Variants in UTRN observed in about 807,000 individuals in gnomAD.
UTRN encodes utrophin.
Under a neutral mutation model 463.9 loss-of-function variants are expected in UTRN, and 283 were observed. The ratio of observed to expected loss-of-function variants is 0.61; its 90% CI spans 0.55 to 0.67. The LOEUF is 0.67. Ranked by LOEUF, UTRN falls within the 30% of genes least tolerant of loss-of-function variation. The pLI is 0.00. For synonymous variants in UTRN, 1,442 were observed against 1,431.5 expected, an observed-to-expected ratio of 1.01 and a Z score of -0.17; for missense variants, 3,922 against 4,084.3, an observed-to-expected ratio of 0.96 and a Z score of 1.08.
intron 65 of UTRN, among the ~76,000 whole-genome samples, chr6:144,816,658 G>A (rs77796949): frequency 8.7e-5 from 3 of 34,586 alleles, no homozygotes; most frequent in Non-Finnish European, 1.2e-4. Context: ...TATACCAAAC[G>A]TGTTATATAC....
chr6:144,430,377 T>C (rs1377913613), intron 9 of UTRN, among the ~76,000 whole-genome samples: 1 of 152,226 alleles, frequency 6.6e-6, no homozygotes, highest in East Asian at 1.9e-4. Flanking sequence ...CATTCTGTTT[T>C]AGTCTAGCCA....
rs1775867460 is a variant in UTRN at position 144,781,923 on chromosome 6, G to T, written c.8634G>T (p.Leu2878Phe). 6.2e-7 allele frequency: 1 copy of T among 1,612,698 alleles called. No homozygotes were observed. Among genetic ancestry groups the T allele is most frequent in the African/African-American group, 1.3e-5 (1 of 74,882 alleles). Residue 2878 changes from leucine (L) to phenylalanine (F), a missense_variant and splice_region_variant, in exon 61 of 75, where the codon TTG (leucine) becomes TTT (phenylalanine). By Grantham distance (22) the Leu-to-Phe change is conservative. Transcript: ENST00000367545. ...KIRRLQKALC[L>F]DLLELSTTNE... ...CATTCCTTCTTCTCTCCTGGTTAGTGGATCTCTTAGAGTTGAGTACAACAA... is the reference window on the plus strand; with the variant it reads ...CATTCCTTCTTCTCTCCTGGTTAGTTGATCTCTTAGAGTTGAGTACAACAA...
chr6:144,476,126 A>G (rs1791169830), intron 25 of UTRN, among the ~76,000 whole-genome samples: 1 of 149,360 alleles, frequency 6.7e-6, no homozygotes, highest in South Asian at 2.2e-4. Flanking sequence ...CTGAGGCAAA[A>G]GGATGGCTTG....
At chr6:144,732,294 A>ATG (rs1444448392) in intron 54 of UTRN, among the ~76,000 whole-genome samples, 1 of 132,706 alleles carries the variant, frequency 7.5e-6, no homozygotes, top group Admixed American at 7.6e-5. Context: ...ATATATATAT[A>ATG]TACACATATA....
At chr6:144,727,802 T>C in intron 53 of UTRN, among the ~76,000 whole-genome samples, 1 of 151,300 alleles carries the variant, frequency 6.6e-6, no homozygotes, top group East Asian at 2.0e-4. Flanking sequence ...CCCAACAAAC[T>C]ACTCCTTGCT....
intron 64 of UTRN, among the ~76,000 whole-genome samples, chr6:144,798,942 A>G (rs192131170): frequency 2.0e-5 from 3 of 152,280 alleles, no homozygotes; most frequent in Admixed American, 6.5e-5. Context: ...GGGTTCCACT[A>G]TGTTGGCCAG....
intron 51 of UTRN, among the ~76,000 whole-genome samples, chr6:144,676,210 T>C (rs1319579410): frequency 6.6e-6 from 1 of 152,168 alleles, no homozygotes; most frequent in Non-Finnish European, 1.5e-5. Flanking sequence ...TTAGGGAGAC[T>C]GACTTTCTTT....
chr6:144,847,234 C>T (rs1782098840), intron 74 of UTRN, among the ~76,000 whole-genome samples: 1 of 152,084 alleles, frequency 6.6e-6, no homozygotes, highest in South Asian at 2.1e-4. Flanking sequence ...CAATTTTTTA[C>T]TTAAAAATTT....
intron 42 of UTRN, among the ~76,000 whole-genome samples, chr6:144,532,742 C>G (rs1797177797): frequency 6.6e-6 from 1 of 152,132 alleles, no homozygotes; most frequent in African/African-American, 2.4e-5. Context: ...CAAGCACTTG[C>G]TTGAAAGAAG....
chr6:144,459,398 A>G, intron 21 of UTRN, 44 bp downstream of exon 21: 1 of 1,533,510 alleles, frequency 6.5e-7, no homozygotes, highest in South Asian at 1.3e-5. Flanking sequence ...GTTTGCCTTA[A>G]TGTAAACATG....
chr6:144,732,686 A>ATGTT (rs1223691516), intron 54 of UTRN, among the ~76,000 whole-genome samples: 1 of 150,602 alleles, frequency 6.6e-6, no homozygotes, highest in Admixed American at 6.7e-5. Flanking sequence ...ATGTTATGTT[A>ATGTT]TGTTATGTTA....
intron 52 of UTRN, among the ~76,000 whole-genome samples, chr6:144,686,683 A>G (rs1782795654): frequency 6.6e-6 from 1 of 151,888 alleles, no homozygotes. Flanking sequence ...TTGCTTTTAA[A>G]GTCTGTTTTA....
intron 53 of UTRN, among the ~76,000 whole-genome samples, chr6:144,721,315 A>C (rs912093410): frequency 6.6e-6 from 1 of 152,168 alleles, no homozygotes; most frequent in African/African-American, 2.4e-5. Context: ...GGAGCCAAGC[A>C]GTCCTGCCTC....
intron 34 of UTRN, among the ~76,000 whole-genome samples, chr6:144,501,478 A>T (rs757162510): frequency 4.6e-5 from 7 of 152,338 alleles, no homozygotes; most frequent in Non-Finnish European, 5.9e-5. Context: ...TTCGATGTGC[A>T]CATGCAAAAG....
chr6:144,509,241 T>C, intron 34 of UTRN, among the ~76,000 whole-genome samples: 1 of 152,178 alleles, frequency 6.6e-6, no homozygotes, highest in South Asian at 2.1e-4. Flanking sequence ...ATAAACATTA[T>C]TCATATATGC....
At chr6:144,601,681 C>T (rs1227727343) in intron 51 of UTRN, among the ~76,000 whole-genome samples, 1 of 152,118 alleles carries the variant, frequency 6.6e-6, no homozygotes, top group Non-Finnish European at 1.5e-5. Context: ...ACTACACAAA[C>T]TTAGTAAAGT....
chr6:144,635,147 T>G lies in UTRN; in HGVS notation c.7480-43259T>G, dbSNP rs866617606. Among the ~76,000 whole-genome samples the G allele has an allele frequency of 3.7e-3, 552 of 149,702 alleles. 4 individuals carry two copies. Among genetic ancestry groups the G allele is most frequent in the African/African-American group, 0.011 (468 of 40,698 alleles). ...CTCCAGTTATTTGTGTGTTTTTTTT[T>G]TTTTTTTTTTTTGGAGACATGAGAC... On this transcript the variant is annotated intron_variant, in intron 51 of 74. Transcript: ENST00000367545.
intron 69 of UTRN, 70 bp from the exon 70 acceptor site, chr6:144,835,710 A>G (rs953139832): frequency 3.1e-5 from 49 of 1,585,588 alleles, no homozygotes; most frequent in Admixed American, 2.4e-4. Flanking sequence ...CATTATTTCT[A>G]CTTCCTTTAT....
intron 51 of UTRN, among the ~76,000 whole-genome samples, chr6:144,615,985 C>T (rs1396395927): frequency 6.6e-6 from 1 of 152,140 alleles, no homozygotes; most frequent in South Asian, 2.1e-4. Flanking sequence ...CCCTGGCCCA[C>T]TGTATTTGGC....
Sources: gnomAD v4.1 joint callset for allele counts (sites outside exome capture counted in the v4.1 genomes callset) on GRCh38, gnomAD v4.1.1 for gene constraint, MANE v1.5 for transcripts, NCBI Gene and HGNC (gene_info 2026-07-23, HGNC 2026-07-21) for gene names.